CSMD1: variants seen among roughly 807,000 people sequenced by gnomAD.
CSMD1 encodes CUB and sushi domain-containing protein 1.
In CSMD1, 213 loss-of-function variants were observed where a neutral mutation model predicts 417.5. The ratio of observed to expected loss-of-function variants is 0.51; its 90% CI spans 0.46 to 0.57. CSMD1 has a LOEUF of 0.57. Ranked by LOEUF, CSMD1 falls within the 20% of genes least tolerant of loss-of-function variation. CSMD1 has a pLI of 0.00. For missense variants in CSMD1, 6,923 were observed against 4,529.7 expected (o/e 1.53, Z -15.17); for synonymous variants, 2,862 against 1,736.8 (o/e 1.65, Z -16.11).
intron 3 of CSMD1, among the ~76,000 whole-genome samples, chr8:4,088,189 C>G (rs928907314): frequency 2.6e-5 from 4 of 152,116 alleles, no homozygotes; most frequent in Non-Finnish European, 4.4e-5. Flanking sequence ...TTTTTAATGC[C>G]CAATCCCTTC....
chr8:3,653,558 C>T (rs1403042097), intron 7 of CSMD1, among the ~76,000 whole-genome samples: 1 of 152,190 alleles, frequency 6.6e-6, no homozygotes, highest in African/African-American at 2.4e-5. Context: ...ATCAGCGCAC[C>T]TCAGCCTCCC....
intron 1 of CSMD1, among the ~76,000 whole-genome samples, chr8:4,807,588 C>G (rs984326738): frequency 6.6e-6 from 1 of 152,142 alleles, no homozygotes; most frequent in African/African-American, 2.4e-5. Context: ...GGTTGTTACT[C>G]AGCATTTTTA....
chr8:4,512,913 A>G (rs902402060), intron 2 of CSMD1, among the ~76,000 whole-genome samples: 1 of 152,206 alleles, frequency 6.6e-6, no homozygotes, highest in Non-Finnish European at 1.5e-5. Context: ...AAAAAGCTAC[A>G]GAGTATATGA....
rs867604569 is a variant in CSMD1 at position 3,811,153 on chromosome 8, T to C, written c.819-57111A>G. Among the ~76,000 whole-genome samples the C allele has an allele frequency of 6.6e-5, 10 of 152,248 alleles. No individual in the cohort carries two copies. The East Asian group carries it at 1.2e-3, about 18-fold the overall frequency. ...CATAACTCCTCTATGATATTAAATA[T>C]CCAACAGGACTGTGAGATCTGAATT... On this transcript the variant is annotated intron_variant, in intron 5 of 69. Coordinates refer to ENST00000635120, the MANE Select transcript of CSMD1 (RefSeq NM_033225.6).
chr8:3,531,029 T>A (rs902520299), intron 10 of CSMD1, among the ~76,000 whole-genome samples: 4 of 150,476 alleles, frequency 2.7e-5, no homozygotes, highest in Non-Finnish European at 5.9e-5. Context: ...ATTTTTTTTT[T>A]TTTGTATTTG....
In CSMD1 at chr8:2,960,939, GATATATATAT is replaced by G. The variant is rs3076013; in HGVS notation, c.9702+192_9702+201del. 1.5e-3 allele frequency among the ~76,000 whole-genome samples: 184 copies of G among 122,038 alleles called. 2 individuals carry two copies. The highest frequency in any genetic ancestry group is 4.9e-3 in the African/African-American group (163 of 33,216). 80.1% of individuals were successfully genotyped at this position (122,038 alleles called of 152,430 possible). A position where few individuals can be genotyped will look rare whatever the true frequency, so the allele number is the denominator to read the frequency against. On this transcript the variant is annotated intron_variant, in intron 62 of 69. Coordinates refer to ENST00000635120, the MANE Select transcript of CSMD1 (RefSeq NM_033225.6). The stretch of plus-strand genomic sequence containing the variant: ...TATTCCATTATTATCTAGTAAGCAA[GATATATATAT>G]ATATATATATATATATACATATATT...
intron 2 of CSMD1, among the ~76,000 whole-genome samples, chr8:4,470,631 G>T (rs767283488): frequency 6.6e-6 from 1 of 152,146 alleles, no homozygotes; most frequent in African/African-American, 2.4e-5. Context: ...TTTCCTGTAC[G>T]TTAACCATTT....
At chr8:3,672,975 T>C (rs560056787) in intron 7 of CSMD1, among the ~76,000 whole-genome samples, 6 of 152,354 alleles carry the variant, frequency 3.9e-5, no homozygotes, top group Admixed American at 6.5e-5. Flanking sequence ...CTATGCCTTA[T>C]TGTAAGTACT....
intron 2 of CSMD1, among the ~76,000 whole-genome samples, chr8:4,453,355 G>A (rs947711438): frequency 6.6e-6 from 1 of 152,166 alleles, no homozygotes; most frequent in Non-Finnish European, 1.5e-5. Context: ...GCCCCAGTCT[G>A]CTGGGATTGG....
At chr8:4,065,856 A>C (rs1001056247) in intron 3 of CSMD1, among the ~76,000 whole-genome samples, 2 of 152,194 alleles carry the variant, frequency 1.3e-5, no homozygotes, top group Non-Finnish European at 2.9e-5. Context: ...ACACACACCC[A>C]AAGTTTTCCT....
chr8:4,358,473 C>G (rs948371443), intron 3 of CSMD1, among the ~76,000 whole-genome samples: 1 of 152,174 alleles, frequency 6.6e-6, no homozygotes, highest in Non-Finnish European at 1.5e-5. Context: ...GCCACTGGCT[C>G]CTTTCCACAA....
intron 2 of CSMD1, among the ~76,000 whole-genome samples, chr8:4,562,666 G>C (rs2950160): frequency 0.62 from 93,918 of 152,002 alleles, 29,414 homozygotes; most frequent in East Asian, 0.68. Context: ...TCCAACTCAA[G>C]AGCAAGTCAC....
At chr8:3,905,892 AT>A (rs1446574415) in intron 5 of CSMD1, among the ~76,000 whole-genome samples, 37 of 152,248 alleles carry the variant, frequency 2.4e-4, no homozygotes, top group Admixed American at 2.2e-3. Flanking sequence ...ATCTCTTACT[AT>A]TTATTTGCTC....
At chr8:4,247,755 G>A (rs991154665) in intron 3 of CSMD1, among the ~76,000 whole-genome samples, 4 of 152,080 alleles carry the variant, frequency 2.6e-5, no homozygotes, top group African/African-American at 9.7e-5. Context: ...TGCTGATTTG[G>A]AAGCCTACAA....
chr8:4,089,286 G>C (rs745447260), intron 3 of CSMD1, among the ~76,000 whole-genome samples: 6 of 152,148 alleles, frequency 3.9e-5, no homozygotes, highest in African/African-American at 1.4e-4. Flanking sequence ...TGGGGTGCCT[G>C]CCAACTTGTA....
chr8:3,047,469 C>G (rs1386028034), intron 50 of CSMD1, among the ~76,000 whole-genome samples: 1 of 152,114 alleles, frequency 6.6e-6, no homozygotes, highest in African/African-American at 2.4e-5. Flanking sequence ...GCCTGATGCC[C>G]CATTCAGAGC....
At chr8:4,150,418 G>T (rs1337768648) in intron 3 of CSMD1, among the ~76,000 whole-genome samples, 1 of 152,184 alleles carries the variant, frequency 6.6e-6, no homozygotes, top group Non-Finnish European at 1.5e-5. Context: ...CTTATCTTTG[G>T]ATGGCAGGCT....
At chr8:3,010,567 T>C (rs1808308513) in intron 52 of CSMD1, among the ~76,000 whole-genome samples, 1 of 152,036 alleles carries the variant, frequency 6.6e-6, no homozygotes, top group African/African-American at 2.4e-5. Flanking sequence ...GCCACCAGGG[T>C]TGCAGCTCTT....
intron 41 of CSMD1, among the ~76,000 whole-genome samples, chr8:3,141,081 C>A (rs988045644): frequency 1.3e-5 from 2 of 152,070 alleles, no homozygotes; most frequent in Non-Finnish European, 2.9e-5. Flanking sequence ...CCTGAAGGGA[C>A]GAGAGCTCAG....
Sources: allele counts gnomAD v4.1 joint callset (sites outside exome capture counted in the v4.1 genomes callset), GRCh38; gene constraint gnomAD v4.1.1; transcripts MANE v1.5; gene names NCBI Gene and HGNC (gene_info 2026-07-23, HGNC 2026-07-21).